PLS1: variants seen among roughly 807,000 people sequenced by gnomAD.
The protein encoded by PLS1 is plastin-1.
In PLS1, 32 loss-of-function variants were observed where a neutral mutation model predicts 73.7. The observed-to-expected ratio is 0.43, with a 90% CI of 0.33 to 0.58. The LOEUF is 0.58. Ranked by LOEUF, PLS1 falls within the 20% of genes least tolerant of loss-of-function variation. The pLI is 0.04. For synonymous variants in PLS1, 217 were observed against 261.3 expected (o/e 0.83, Z 1.63); for missense variants, 633 against 740.5 (o/e 0.85, Z 1.68).
intron 14 of PLS1, among the ~76,000 whole-genome samples, chr3:142,710,966 T>C (rs1933101716): frequency 6.6e-6 from 1 of 152,248 alleles, no homozygotes; most frequent in Non-Finnish European, 1.5e-5. Flanking sequence ...ATCTTAACTT[T>C]ATATTCTTCA....
chr3:142,616,601 AATT>A (rs1191933836), intron 1 of PLS1, among the ~76,000 whole-genome samples: 7 of 151,306 alleles, frequency 4.6e-5, no homozygotes, highest in African/African-American at 1.2e-4. Context: ...TTAGTGACAC[AATT>A]ATTATTATTA....
intron 12 of PLS1, among the ~76,000 whole-genome samples, chr3:142,702,736 T>C (rs1026306426): frequency 2.6e-5 from 4 of 152,062 alleles, no homozygotes; most frequent in Non-Finnish European, 5.9e-5. Context: ...TAAAAAAAAT[T>C]ATTAGAGAAA....
At chr3:142,669,977 G>A (rs13074153) in intron 3 of PLS1, among the ~76,000 whole-genome samples, 58,679 of 151,976 alleles carry the variant, frequency 0.39, 12,494 homozygotes, top group Non-Finnish European at 0.48. Flanking sequence ...AAAAAGAAAC[G>A]TGATTCCTGT....
intron 1 of PLS1, among the ~76,000 whole-genome samples, chr3:142,644,398 A>C (rs887509459): frequency 1.3e-5 from 2 of 151,874 alleles, no homozygotes; most frequent in African/African-American, 4.8e-5. Flanking sequence ...CCACAGGTGC[A>C]TGTCACCACG....
At chr3:142,619,273 A>G (rs2036272416) in intron 1 of PLS1, among the ~76,000 whole-genome samples, 1 of 152,066 alleles carries the variant, frequency 6.6e-6, no homozygotes, top group Admixed American at 6.6e-5. Flanking sequence ...AAAAATTCTG[A>G]TATGAGAGAG....
chr3:142,690,274 C>G (rs1246054180), intron 10 of PLS1, among the ~76,000 whole-genome samples: 1 of 152,120 alleles, frequency 6.6e-6, no homozygotes, highest in African/African-American at 2.4e-5. Context: ...ATATATAATA[C>G]TTTCCTGTTT....
rs1933009384 is a variant in PLS1 at position 142,709,470 on chromosome 3, C to A, written c.1630-2031C>A. On this transcript the variant is annotated intron_variant, in intron 14 of 15. Coordinates refer to ENST00000457734, the MANE Select transcript of PLS1 (RefSeq NM_001145319.2). ...GATCTGTATCATAAAATGAACATTC[C>A]TGCCCAAAAATCTGTATCATAACAT... 2.0e-5 allele frequency among the ~76,000 whole-genome samples: 3 copies of A among 152,126 alleles called. No individual in the cohort carries two copies. In the South Asian group the frequency reaches 6.2e-4, roughly 32 times the overall value.
chr3:142,636,702 T>C (rs1311615327), intron 1 of PLS1, among the ~76,000 whole-genome samples: 2 of 152,182 alleles, frequency 1.3e-5, no homozygotes, highest in Non-Finnish European at 2.9e-5. Flanking sequence ...ATATCCATAA[T>C]ATGCAAACAA....
intron 1 of PLS1, among the ~76,000 whole-genome samples, chr3:142,644,407 C>A (rs539974571): frequency 3.3e-5 from 5 of 151,970 alleles, no homozygotes; most frequent in Non-Finnish European, 7.4e-5. Flanking sequence ...CATGTCACCA[C>A]GCCTGGCTAA....
At chr3:142,683,825 T>C (rs2037904953) in intron 6 of PLS1, among the ~76,000 whole-genome samples, 181 bp from the exon 7 acceptor site, 1 of 151,774 alleles carries the variant, frequency 6.6e-6, no homozygotes, top group Admixed American at 6.6e-5. Flanking sequence ...TGAAAGTCAT[T>C]GGCATATAAA....
intron 6 of PLS1, among the ~76,000 whole-genome samples, chr3:142,679,109 T>C (rs1577881477): frequency 6.6e-6 from 1 of 151,786 alleles, no homozygotes; most frequent in Admixed American, 6.5e-5. Flanking sequence ...CACCCACTTT[T>C]TGATGGGGTT....
At chr3:142,701,775 G>T (rs34941168) in intron 12 of PLS1, among the ~76,000 whole-genome samples, 24,315 of 152,036 alleles carry the variant, frequency 0.16, 2,485 homozygotes, top group Middle Eastern at 0.26. Flanking sequence ...AAAGCAGATG[G>T]CTCTTCATTG....
intron 1 of PLS1, among the ~76,000 whole-genome samples, chr3:142,636,625 G>T (rs919025856): frequency 2.6e-4 from 40 of 152,184 alleles, no homozygotes; most frequent in African/African-American, 9.6e-4. Context: ...AAGCTATTAA[G>T]AGAATGAAAT....
At chr3:142,701,015 T>C (rs2038320878) in intron 12 of PLS1, among the ~76,000 whole-genome samples, 2 of 152,240 alleles carry the variant, frequency 1.3e-5, no homozygotes, top group Admixed American at 1.3e-4. Context: ...CATGTGGAAC[T>C]ATAAGTCCAA....
chr3:142,659,672 CTT>C (rs533796970), intron 1 of PLS1, among the ~76,000 whole-genome samples: 17 of 138,700 alleles, frequency 1.2e-4, no homozygotes, highest in Non-Finnish European at 1.3e-4. Flanking sequence ...TTTCTTTTTT[CTT>C]TTTTTTTTTT....
intron 1 of PLS1, among the ~76,000 whole-genome samples, chr3:142,609,458 A>G (rs558186051): frequency 6.6e-6 from 1 of 152,362 alleles, no homozygotes; most frequent in Admixed American, 6.5e-5. Flanking sequence ...GCTTTGGCCT[A>G]GAGTGACAAA....
At chr3:142,676,025 T>C in intron 4 of PLS1, 132 bp from the exon 5 acceptor site, 4 of 743,066 alleles carry the variant, frequency 5.4e-6, no homozygotes, top group Non-Finnish European at 8.6e-6. Flanking sequence ...AGTAGATTTG[T>C]AATAATGGTC....
At chr3:142,693,474 G>C (rs1028173810) in intron 10 of PLS1, among the ~76,000 whole-genome samples, 2 of 152,176 alleles carry the variant, frequency 1.3e-5, no homozygotes, top group Non-Finnish European at 2.9e-5. Context: ...ACTTGAACTT[G>C]CCTATAACTT....
intron 1 of PLS1, among the ~76,000 whole-genome samples, chr3:142,644,985 T>C (rs535096886): frequency 6.6e-6 from 1 of 152,180 alleles, no homozygotes; most frequent in Non-Finnish European, 1.5e-5. Context: ...CTTTTGCGAG[T>C]AGGAAAAACT....
Sources: allele counts gnomAD v4.1 joint callset (sites outside exome capture counted in the v4.1 genomes callset), GRCh38; gene constraint gnomAD v4.1.1; transcripts MANE v1.5; gene names NCBI Gene and HGNC (gene_info 2026-07-23, HGNC 2026-07-21).